The following TLK1 variants were observed in gnomAD, a reference collection of about 807,000 sequenced individuals.
TLK1 encodes the protein serine/threonine-protein kinase tousled-like 1.
In TLK1, 24 loss-of-function variants were observed where a neutral mutation model predicts 105.3. The observed-to-expected ratio is 0.23, with a 90% CI of 0.17 to 0.32. The LOEUF is 0.32. Among genes scored for constraint, TLK1 ranks in the 10% least tolerant of loss-of-function variants. TLK1 has a pLI of 1.00. For missense variants in TLK1, 558 were observed against 910.5 expected (o/e 0.61, Z 4.98); for synonymous variants, 321 against 310.4 (o/e 1.03, Z -0.36).
chr2:171,194,803 C>G, intron 1 of TLK1, among the ~76,000 whole-genome samples: 1 of 126,628 alleles, frequency 7.9e-6, no homozygotes, highest in African/African-American at 3.2e-5. Flanking sequence ...GGCGACAGAG[C>G]GAGACTCCGT....
At chr2:171,176,758 G>C (rs1692836545) in intron 1 of TLK1, among the ~76,000 whole-genome samples, 1 of 151,868 alleles carries the variant, frequency 6.6e-6, no homozygotes, top group Non-Finnish European at 1.5e-5. Flanking sequence ...CTTGGCCTCT[G>C]TTCTAGATCT....
At position 170,992,853 on chromosome 2, in the gene TLK1, C is replaced by T. The variant is rs549562613; in HGVS notation, c.*927G>A. Reference sequence around the variant, plus strand: ...TTTTAAACATTTGTACAAGAATAAGCTGCTGAAACTTAGTAATTGAAATAT... The same window carrying T: ...TTTTAAACATTTGTACAAGAATAAGTTGCTGAAACTTAGTAATTGAAATAT... On this transcript the variant is annotated 3_prime_UTR_variant, in exon 21 of 21. Coordinates refer to ENST00000431350, the MANE Select transcript of TLK1 (RefSeq NM_012290.5). 4.8e-4 allele frequency: 74 copies of T among 152,688 alleles called. No individual in the cohort carries two copies. Among genetic ancestry groups the T allele is most frequent in the African/African-American group, 1.7e-3 (71 of 41,548 alleles). The allele number at this position is 152,688 out of a possible 1,614,324, so 9.5% of individuals were successfully genotyped here.
At chr2:171,180,823 CT>C (rs57223904) in intron 1 of TLK1, among the ~76,000 whole-genome samples, 4,509 of 123,112 alleles carry the variant, frequency 0.037, 71 homozygotes, top group Middle Eastern at 0.062. Flanking sequence ...TAAGAGGATG[CT>C]TTTTTTTTTT....
chr2:171,006,918 A>G (rs769569856), intron 15 of TLK1, 29 bp from the exon 16 acceptor site: 13 of 1,605,036 alleles, frequency 8.1e-6, no homozygotes, highest in Admixed American at 1.7e-5. Context: ...TTAATTCTCC[A>G]TGATCATTCA....
intron 2 of TLK1, among the ~76,000 whole-genome samples, chr2:171,112,135 A>G (rs895200122): frequency 6.6e-6 from 1 of 152,150 alleles, no homozygotes; most frequent in African/African-American, 2.4e-5. Context: ...TATTTTTACT[A>G]GAGACAGGGT....
At position 171,079,471 on chromosome 2, in the gene TLK1, T is replaced by C. The variant is rs188901903; in HGVS notation, c.330+3310A>G. Among the ~76,000 whole-genome samples, 228 of 152,368 alleles carry C rather than the reference T, an allele frequency of 1.5e-3. 1 individual carries two copies. Among genetic ancestry groups the C allele is most frequent in the Non-Finnish European group, 2.7e-3 (187 of 68,042 alleles). On this transcript the variant is annotated intron_variant, in intron 3 of 20. Transcript: ENST00000431350. ...AGGCAGGGATTGTATCCTATTCATCTTTATATTCTCTGTGATTGGGCAGAG... is the reference window on the plus strand; with the variant it reads ...AGGCAGGGATTGTATCCTATTCATCCTTATATTCTCTGTGATTGGGCAGAG...
rs56238853 is a variant in TLK1 at position 171,015,415 on chromosome 2, A to AACACACAC, written c.1237-475_1237-468dup. ...TACGCCTTACAGCATTTGGAGTACA[A>AACACACAC]ACACACACACACACACACACACACA... is the stretch of plus-strand genomic sequence containing the variant. On this transcript the variant is annotated intron_variant, in intron 12 of 20. Transcript: ENST00000431350. 2.2e-3 allele frequency among the ~76,000 whole-genome samples: 298 copies of AACACACAC among 132,694 alleles called. 1 individual carries two copies. The highest frequency in any genetic ancestry group is 8.1e-3 in the African/African-American group (278 of 34,306). The allele number at this position is 132,694 out of a possible 152,430, so 87.1% of individuals were successfully genotyped here. A position where few individuals can be genotyped will look rare whatever the true frequency, so the allele number is the denominator to read the frequency against.
chr2:171,166,406 G>A (rs1254239997), intron 1 of TLK1, among the ~76,000 whole-genome samples: 1 of 152,218 alleles, frequency 6.6e-6, no homozygotes, highest in African/African-American at 2.4e-5. Context: ...AAACATCTGG[G>A]CTGGCCATCT....
intron 1 of TLK1, among the ~76,000 whole-genome samples, chr2:171,199,249 G>A (rs1160245287): frequency 1.3e-5 from 2 of 152,210 alleles, no homozygotes; most frequent in Admixed American, 6.5e-5. Flanking sequence ...AGTGGCTCAT[G>A]CCTATAATCC....
At chr2:171,100,837 A>T (rs771819919) in intron 2 of TLK1, among the ~76,000 whole-genome samples, 1 of 152,156 alleles carries the variant, frequency 6.6e-6, no homozygotes, top group Non-Finnish European at 1.5e-5. Context: ...ACCTAAAAGA[A>T]CTAAAACATA....
rs553286696 is a variant in TLK1 at position 170,992,910 on chromosome 2, G to A, written c.*870C>T. 6.5e-6 allele frequency: 1 copy of A among 152,738 alleles called. No individual in the cohort carries two copies. The highest frequency in any genetic ancestry group is 2.1e-4 in the South Asian group (1 of 4,828). The allele number at this position is 152,738 out of a possible 1,614,324, so 9.5% of individuals were successfully genotyped here. A position where few individuals can be genotyped will look rare whatever the true frequency, so the allele number is the denominator to read the frequency against. ...TGTACAACAATTTACAATAGAGCTAGAAGGGAATTTATCATTATCCTGCAT... is the reference window on the plus strand; with the variant it reads ...TGTACAACAATTTACAATAGAGCTAAAAGGGAATTTATCATTATCCTGCAT... On this transcript the variant is annotated 3_prime_UTR_variant, in exon 21 of 21. Coordinates refer to ENST00000431350, the MANE Select transcript of TLK1 (RefSeq NM_012290.5).
intron 1 of TLK1, among the ~76,000 whole-genome samples, chr2:171,222,966 C>G (rs947679483): frequency 3.3e-5 from 5 of 152,084 alleles, no homozygotes; most frequent in African/African-American, 4.8e-5. Context: ...AGGCATGCAC[C>G]ACCACGCCCA....
intron 3 of TLK1, among the ~76,000 whole-genome samples, chr2:171,062,936 T>C (rs1687823016): frequency 6.6e-6 from 1 of 152,210 alleles, no homozygotes; most frequent in African/African-American, 2.4e-5. Flanking sequence ...TTTGGGTAGG[T>C]AGTTTACTAC....
chr2:170,991,267 CAGG>C lies in TLK1; in HGVS notation c.*2510_*2512del, dbSNP rs1215568232. On this transcript the variant is annotated 3_prime_UTR_variant, in exon 21 of 21. Coordinates refer to ENST00000431350, the MANE Select transcript of TLK1 (RefSeq NM_012290.5). ...ATGCTTTAATTCTGAGGACAGACAC[CAGG>C]AGACCAGAAAACAATAAAACCCTAA... 1 of 152,070 alleles carries C rather than the reference CAGG, an allele frequency of 6.6e-6. No individual in the cohort carries two copies. Among genetic ancestry groups the C allele is most frequent in the Non-Finnish European group, 1.5e-5 (1 of 68,016 alleles). The allele number at this position is 152,070 out of a possible 1,614,324, so 9.4% of individuals were successfully genotyped here.
At chr2:171,162,423 AGCTACTC>A (rs1435494464), upstream of TLK1, among the ~76,000 whole-genome samples, 1 of 152,198 alleles carries the variant, frequency 6.6e-6, no homozygotes, top group African/African-American at 2.4e-5. Flanking sequence ...CTGAAGTCCC[AGCTACTC>A]GGGAGGCTGA....
chr2:171,002,174 T>A (rs1306657985), intron 18 of TLK1, among the ~76,000 whole-genome samples: 1 of 152,224 alleles, frequency 6.6e-6, no homozygotes, highest in East Asian at 1.9e-4. Flanking sequence ...TTTCTAAAAT[T>A]ATTAAACCAT....
intron 2 of TLK1, among the ~76,000 whole-genome samples, chr2:171,111,804 G>C (rs564026977): frequency 2.0e-5 from 3 of 152,066 alleles, no homozygotes; most frequent in Non-Finnish European, 4.4e-5. Context: ...TATCTTAAGA[G>C]GAATGTAGAT....
intron 1 of TLK1, among the ~76,000 whole-genome samples, chr2:171,212,094 C>T (rs1315435546): frequency 6.6e-6 from 1 of 152,058 alleles, no homozygotes; most frequent in African/African-American, 2.4e-5. Flanking sequence ...GATCCACCTA[C>T]CTCCCAAAGT....
At chr2:171,161,097 G>C (rs1246808739), upstream of TLK1, among the ~76,000 whole-genome samples, 13 of 147,336 alleles carry the variant, frequency 8.8e-5, no homozygotes, top group South Asian at 1.5e-3. Flanking sequence ...GCGCCGGGGC[G>C]CCCCTGCCGC....
Sources: gnomAD v4.1 joint callset for allele counts (sites outside exome capture counted in the v4.1 genomes callset) on GRCh38, gnomAD v4.1.1 for gene constraint, MANE v1.5 for transcripts, NCBI Gene and HGNC (gene_info 2026-07-23, HGNC 2026-07-21) for gene names.